The following NALF1 variants were observed in gnomAD, a reference collection of about 807,000 sequenced individuals.
The protein encoded by NALF1 is NALCN channel auxiliary factor 1.
Under a neutral mutation model 48.4 loss-of-function variants are expected in NALF1, and 3 were observed. That is an observed-to-expected ratio of 0.06 (90% CI 0.03 to 0.16). The LOEUF is 0.16. Among genes scored for constraint, NALF1 ranks in the 10% least tolerant of loss-of-function variants. The pLI, the probability that NALF1 is intolerant of heterozygous loss-of-function variation, is 1.00. For synonymous variants in NALF1, 262 were observed against 245.7 expected, an observed-to-expected ratio of 1.07 and a Z score of -0.62; for missense variants, 526 against 571.5, an observed-to-expected ratio of 0.92 and a Z score of 0.81.
intron 1 of NALF1, among the ~76,000 whole-genome samples, chr13:107,249,944 C>T (rs72666520): frequency 0.13 from 19,142 of 151,996 alleles, 1,567 homozygotes; most frequent in East Asian, 0.4. Flanking sequence ...CAACCATGGT[C>T]CTCAACCTTC....
At chr13:107,781,928 T>C (rs1877899459) in intron 1 of NALF1, among the ~76,000 whole-genome samples, 1 of 152,188 alleles carries the variant, frequency 6.6e-6, no homozygotes, top group Non-Finnish European at 1.5e-5. Flanking sequence ...TGTTATTGTT[T>C]TGTTTTATGT....
intron 1 of NALF1, among the ~76,000 whole-genome samples, chr13:107,473,325 C>T (rs1025251408): frequency 1.3e-5 from 2 of 152,138 alleles, no homozygotes; most frequent in Non-Finnish European, 2.9e-5. Context: ...ACAAATTCAC[C>T]TGTTTGCTTT....
At chr13:107,551,600 G>C (rs1301750680) in intron 1 of NALF1, among the ~76,000 whole-genome samples, 2 of 151,968 alleles carry the variant, frequency 1.3e-5, no homozygotes, top group Non-Finnish European at 2.9e-5. Flanking sequence ...TTTTTCAACT[G>C]TCAAGATTGA....
intron 2 of NALF1, among the ~76,000 whole-genome samples, chr13:107,182,518 C>T (rs1455056810): frequency 6.6e-6 from 1 of 152,102 alleles, no homozygotes; most frequent in African/African-American, 2.4e-5. Context: ...GATCTGCCCA[C>T]CTTGGCCTCA....
chr13:107,678,877 G>T (rs1309654269), intron 1 of NALF1, among the ~76,000 whole-genome samples: 1 of 152,190 alleles, frequency 6.6e-6, no homozygotes, highest in Non-Finnish European at 1.5e-5. Context: ...AACACGTGGG[G>T]ATTATGGGGA....
intron 1 of NALF1, among the ~76,000 whole-genome samples, chr13:107,747,625 G>C (rs1170047677): frequency 6.6e-6 from 1 of 152,140 alleles, no homozygotes; most frequent in Non-Finnish European, 1.5e-5. Context: ...ACACTCGATA[G>C]TCTATGTGTA....
intron 1 of NALF1, among the ~76,000 whole-genome samples, chr13:107,373,554 C>A (rs990941209): frequency 3.9e-5 from 6 of 152,136 alleles, no homozygotes; most frequent in Admixed American, 1.3e-4. Context: ...GGGGCCACAG[C>A]CAATGGGTCC....
chr13:107,376,880 T>C (rs1018652993), intron 1 of NALF1, among the ~76,000 whole-genome samples: 1 of 152,174 alleles, frequency 6.6e-6, no homozygotes, highest in Admixed American at 6.5e-5. Flanking sequence ...TGCACTGACC[T>C]CAGCCAGGCC....
chr13:107,309,111 C>T (rs868774299), intron 1 of NALF1, among the ~76,000 whole-genome samples: 1 of 152,002 alleles, frequency 6.6e-6, no homozygotes, highest in African/African-American at 2.4e-5. Flanking sequence ...AAGCAGGCAG[C>T]TCATTAATGG....
chr13:107,466,439 T>C (rs763999), intron 1 of NALF1: 66,496 of 152,114 alleles, frequency 0.44, 14,867 homozygotes, highest in Middle Eastern at 0.51. Flanking sequence ...GTAATAAGGG[T>C]AAGAATGGCT....
At chr13:107,568,553 T>G (rs898221907) in intron 1 of NALF1, among the ~76,000 whole-genome samples, 4 of 152,234 alleles carry the variant, frequency 2.6e-5, no homozygotes, top group African/African-American at 9.6e-5. Flanking sequence ...CTGTACCATT[T>G]TACGTATCCA....
intron 1 of NALF1, among the ~76,000 whole-genome samples, chr13:107,744,114 A>G (rs1242828078): frequency 6.6e-6 from 1 of 152,200 alleles, no homozygotes; most frequent in Non-Finnish European, 1.5e-5. Context: ...GAGGCAAGAA[A>G]GAGACTATAA....
intron 1 of NALF1, among the ~76,000 whole-genome samples, chr13:107,318,822 T>C (rs866639256): frequency 1.3e-5 from 2 of 152,014 alleles, no homozygotes; most frequent in Non-Finnish European, 2.9e-5. Context: ...TAAAGAATGG[T>C]TTAGGTAAAA....
At chr13:107,589,548 C>T (rs1227440708) in intron 1 of NALF1, among the ~76,000 whole-genome samples, 2 of 151,874 alleles carry the variant, frequency 1.3e-5, no homozygotes, top group Non-Finnish European at 2.9e-5. Flanking sequence ...AATGATCTAT[C>T]CAGGGTATTT....
intron 1 of NALF1, among the ~76,000 whole-genome samples, chr13:107,352,645 T>C (rs947264818): frequency 5.9e-5 from 9 of 152,174 alleles, no homozygotes; most frequent in African/African-American, 1.9e-4. Flanking sequence ...AGCTTTACCC[T>C]CATGACCTAA....
In NALF1 at chr13:107,339,113, G is replaced by A. The variant is rs900551313; in HGVS notation, c.916-128358C>T. Among the ~76,000 whole-genome samples, 177 of 140,370 alleles carry A rather than the reference G, an allele frequency of 1.3e-3. 1 individual carries two copies. The highest frequency in any genetic ancestry group is 4.5e-3 in the African/African-American group (171 of 37,734). 92.1% of individuals were successfully genotyped at this position (140,370 alleles called of 152,430 possible). A position where few individuals can be genotyped will look rare whatever the true frequency, so the allele number is the denominator to read the frequency against. On this transcript the variant is annotated intron_variant, in intron 1 of 2. Transcript: ENST00000375915. ...TGTGCCACTGCACTCCAGCCTGGGC[G>A]ACAGAGGGAGACTCTGTCTCAGAAG...
chr13:107,755,214 C>T (rs973191814), intron 1 of NALF1, among the ~76,000 whole-genome samples: 3 of 151,968 alleles, frequency 2.0e-5, no homozygotes, highest in Non-Finnish European at 4.4e-5. Flanking sequence ...GCCTACGGCT[C>T]CCTTTTATCT....
At chr13:107,722,820 T>A (rs112461277) in intron 1 of NALF1, among the ~76,000 whole-genome samples, 15 of 152,288 alleles carry the variant, frequency 9.8e-5, no homozygotes, top group African/African-American at 3.4e-4. Context: ...CCCAGTCAGC[T>A]CAGATTGTCA....
intron 1 of NALF1, among the ~76,000 whole-genome samples, chr13:107,256,722 T>C (rs894627840): frequency 1.3e-5 from 2 of 152,216 alleles, no homozygotes; most frequent in African/African-American, 4.8e-5. Context: ...CTATCCTTGT[T>C]TGTCAGTTGC....
Sources: gnomAD v4.1 joint callset for allele counts (sites outside exome capture counted in the v4.1 genomes callset) on GRCh38, gnomAD v4.1.1 for gene constraint, MANE v1.5 for transcripts, NCBI Gene and HGNC (gene_info 2026-07-23, HGNC 2026-07-21) for gene names.